The following UNC13C variants were observed in gnomAD, a reference collection of about 807,000 sequenced individuals.
The protein encoded by UNC13C is protein unc-13 homolog C.
A neutral mutation model predicts 245.4 loss-of-function variants in UNC13C; 174 were observed. The observed-to-expected ratio is 0.71, with a 90% CI of 0.63 to 0.80. UNC13C has a LOEUF of 0.80. Ranked by LOEUF, UNC13C falls within the 30% of genes least tolerant of loss-of-function variation. UNC13C has a pLI of 0.00. For synonymous variants in UNC13C, 992 were observed against 895.1 expected (o/e 1.11, Z -1.93); for missense variants, 2,829 against 2,602.9 (o/e 1.09, Z -1.89).
intron 4 of UNC13C, among the ~76,000 whole-genome samples, chr15:54,228,786 G>T (rs1040795191): frequency 6.6e-6 from 1 of 152,128 alleles, no homozygotes; most frequent in Non-Finnish European, 1.5e-5. Context: ...AAGGGAAAGT[G>T]TCTATCCCAG....
At chr15:53,901,119 C>T in the UNC13C span, among the ~76,000 whole-genome samples, 169 of 151,036 alleles carry the variant, frequency 1.1e-3, 1 homozygote, top group African/African-American at 3.5e-3. Context: ...TTATTATATT[C>T]GATTAACATA....
chr15:54,255,417 C>G (rs1024702263), intron 8 of UNC13C, among the ~76,000 whole-genome samples: 7 of 152,182 alleles, frequency 4.6e-5, no homozygotes, highest in African/African-American at 1.7e-4. Context: ...CCTGGCCAAA[C>G]TCCACCACGT....
chr15:54,365,951 C>T (rs1024107778), intron 17 of UNC13C, among the ~76,000 whole-genome samples: 1 of 152,058 alleles, frequency 6.6e-6, no homozygotes, highest in Non-Finnish European at 1.5e-5. Flanking sequence ...ATCTTGAAGA[C>T]CCTTAGAATT....
chr15:54,612,667 T>A (rs574884764), intron 30 of UNC13C, among the ~76,000 whole-genome samples: 1 of 152,134 alleles, frequency 6.6e-6, no homozygotes, highest in South Asian at 2.1e-4. Context: ...TCTTATTTTG[T>A]TTGCTTTAAA....
chr15:53,849,501 A>G, the UNC13C span, among the ~76,000 whole-genome samples: 1 of 152,108 alleles, frequency 6.6e-6, no homozygotes, highest in African/African-American at 2.4e-5. Context: ...TTTTAGAACA[A>G]TATTGCCGTT....
At chr15:54,480,146 G>A (rs1893022372) in intron 19 of UNC13C, among the ~76,000 whole-genome samples, 1 of 151,980 alleles carries the variant, frequency 6.6e-6, no homozygotes, top group Non-Finnish European at 1.5e-5. Context: ...ATATTCCTTG[G>A]AGGAAGCTTT....
intron 4 of UNC13C, among the ~76,000 whole-genome samples, chr15:54,156,945 A>G (rs1046450067): frequency 7.2e-5 from 11 of 151,832 alleles, no homozygotes; most frequent in African/African-American, 2.4e-4. Context: ...ATCAGAGGAA[A>G]GAAGTTCTCA....
In UNC13C at chr15:54,169,559, T is replaced by C. The variant is rs533257358; in HGVS notation, c.3071+25875T>C. Among the ~76,000 whole-genome samples the C allele has an allele frequency of 1.1e-4, 17 of 152,288 alleles. No homozygotes were observed. In the East Asian group the frequency reaches 2.9e-3, roughly 26 times the overall value. On this transcript the variant is annotated intron_variant, in intron 4 of 32. Coordinates refer to ENST00000260323, the MANE Select transcript of UNC13C (RefSeq NM_001080534.3). ...GAATTGAAATTCAATGTATTTAACA[T>C]GACCCAGAAGGCCTGGGCTGCCTCT...
At chr15:54,622,794 C>A (rs1435525412) in intron 31 of UNC13C, among the ~76,000 whole-genome samples, 2 of 152,074 alleles carry the variant, frequency 1.3e-5, no homozygotes, top group Non-Finnish European at 2.9e-5. Context: ...GCTTAGAGTT[C>A]TTTACAATGA....
intron 30 of UNC13C, among the ~76,000 whole-genome samples, chr15:54,589,454 A>G (rs1254123498): frequency 6.6e-6 from 1 of 151,212 alleles, no homozygotes; most frequent in African/African-American, 2.4e-5. Context: ...ACATGCCACC[A>G]TGCCCAGTTA....
At chr15:54,482,865 C>T (rs1567315842) in intron 19 of UNC13C, among the ~76,000 whole-genome samples, 6 of 152,234 alleles carry the variant, frequency 3.9e-5, no homozygotes, top group Middle Eastern at 3.4e-3. Flanking sequence ...CATAGTTATA[C>T]ATTTTTCACA....
chr15:53,844,417 T>C, the UNC13C span, among the ~76,000 whole-genome samples: 1 of 152,042 alleles, frequency 6.6e-6, no homozygotes, highest in African/African-American at 2.4e-5. Context: ...TGAAACAAAA[T>C]GTGGGATTGT....
chr15:53,937,757 A>T, the UNC13C span, among the ~76,000 whole-genome samples: 2 of 150,212 alleles, frequency 1.3e-5, no homozygotes, highest in Non-Finnish European at 3.0e-5. Context: ...AGAATTTCTA[A>T]CCCAGAATTT....
chr15:54,279,436 G>A (rs1183739054), intron 10 of UNC13C, among the ~76,000 whole-genome samples: 2 of 152,164 alleles, frequency 1.3e-5, no homozygotes, highest in Non-Finnish European at 2.9e-5. Context: ...TCATGTTTGG[G>A]ATGAGAGGGA....
rs558673957 is a variant in UNC13C at position 54,439,172 on chromosome 15, A to G, written c.4933+24105A>G. ...GCATCTCTCTCACAATCTCTGTTAC[A>G]TGGAATAGTTTGAAATACAAAACAC... On this transcript the variant is annotated intron_variant, in intron 19 of 32. Transcript: ENST00000260323. Among the ~76,000 whole-genome samples the G allele has an allele frequency of 3.8e-4, 58 of 152,116 alleles. 1 individual carries two copies. Among genetic ancestry groups the G allele is most frequent in the Admixed American group, 5.9e-4 (9 of 15,246 alleles).
intron 28 of UNC13C, among the ~76,000 whole-genome samples, chr15:54,554,981 G>A (rs947542750): frequency 6.6e-6 from 1 of 151,848 alleles, no homozygotes; most frequent in East Asian, 1.9e-4. Context: ...AAGAATTGAG[G>A]GCATCTAAGA....
At chr15:53,885,868 A>C in the UNC13C span, among the ~76,000 whole-genome samples, 1 of 152,210 alleles carries the variant, frequency 6.6e-6, no homozygotes, top group African/African-American at 2.4e-5. Context: ...GGAGTTGGTC[A>C]TTAAGTCCTG....
At chr15:54,455,590 A>G (rs1891474848) in intron 19 of UNC13C, among the ~76,000 whole-genome samples, 1 of 134,624 alleles carries the variant, frequency 7.4e-6, no homozygotes, top group African/African-American at 2.8e-5. Flanking sequence ...TGTGGTTTTG[A>G]TTTGCATTTC....
At chr15:54,444,459 A>G (rs1178251043) in intron 19 of UNC13C, among the ~76,000 whole-genome samples, 1 of 151,866 alleles carries the variant, frequency 6.6e-6, no homozygotes, top group Non-Finnish European at 1.5e-5. Context: ...ATATAACTGT[A>G]TCATGTACTT....
Sources: gnomAD v4.1 joint callset for allele counts (sites outside exome capture counted in the v4.1 genomes callset) on GRCh38, gnomAD v4.1.1 for gene constraint, MANE v1.5 for transcripts, NCBI Gene and HGNC (gene_info 2026-07-23, HGNC 2026-07-21) for gene names.